Variants in CEP120 observed in about 807,000 individuals in gnomAD.
CEP120 encodes the protein centrosomal protein 120.
CEP120 carries 113 observed loss-of-function variants against 126.5 expected under a neutral mutation model. The observed-to-expected ratio is 0.89, with a 90% CI of 0.77 to 1.04. The LOEUF (loss-of-function observed/expected upper bound fraction) is 1.04. CEP120 is among the 50% of genes least tolerant of loss of function. The pLI is 0.00. For synonymous variants in CEP120, 400 were observed against 394.3 expected (o/e 1.01, Z -0.17); for missense variants, 1,230 against 1,155.7 (o/e 1.06, Z -0.93).
At chr5:123,378,243 G>T in intron 15 of CEP120, 93 bp downstream of exon 15, 6 of 874,346 alleles carry the variant, frequency 6.9e-6, no homozygotes, top group South Asian at 2.1e-5. Flanking sequence ...CTTCTCTCTC[G>T]GGACTCTTTT....
rs758598036 is a variant in CEP120, at chr5:123,403,172, T to C, written c.464-3888A>G. On this transcript the variant is annotated intron_variant, in intron 4 of 19. Transcript: ENST00000306467. ...GCACAAATTCCCTCACTTTGTCTACTGAAAGGGCCTGGGAACAGTGACACC... is the reference window on the plus strand; with the variant it reads ...GCACAAATTCCCTCACTTTGTCTACCGAAAGGGCCTGGGAACAGTGACACC... 538 of 412,796 alleles carry C rather than the reference T, an allele frequency of 1.3e-3. 2 individuals are homozygous for C. The highest frequency in any genetic ancestry group is 2.1e-3 in the Non-Finnish European group (445 of 211,830). 25.6% of individuals were successfully genotyped at this position (412,796 alleles called of 1,614,324 possible).
intron 14 of CEP120, 133 bp downstream of exon 14, chr5:123,381,978 C>A: frequency 3.4e-6 from 2 of 596,522 alleles, no homozygotes; most frequent in Non-Finnish European, 5.7e-6. Context: ...TCCAGAGCCA[C>A]CACTCACTTC....
intron 18 of CEP120, chr5:123,358,492 A>G (rs1769821407): frequency 6.6e-6 from 1 of 152,124 alleles, no homozygotes; most frequent in Non-Finnish European, 1.5e-5. Context: ...TCTATGTTAT[A>G]TGGTGCTGCA....
intron 17 of CEP120, among the ~76,000 whole-genome samples, chr5:123,365,993 G>T (rs1770428737): frequency 6.6e-6 from 1 of 151,148 alleles, no homozygotes. Flanking sequence ...AAAATAATTT[G>T]TATTTGCATA....
intron 4 of CEP120, chr5:123,401,761 G>C: frequency 8.1e-7 from 1 of 1,232,554 alleles, no homozygotes; most frequent in Non-Finnish European, 1.2e-6. Flanking sequence ...TTCTTGATGA[G>C]GACAAATTCA....
In CEP120 at chr5:123,382,091, A is replaced by T; in HGVS notation, c.2103+20T>A. The T allele has an allele frequency of 6.9e-7, 1 of 1,459,138 alleles. No individual in the cohort carries two copies. The highest frequency in any genetic ancestry group is 1.2e-5 in the South Asian group (1 of 83,948). The allele number at this position is 1,459,138 out of a possible 1,614,324, so 90.4% of individuals were successfully genotyped here. A position where few individuals can be genotyped will look rare whatever the true frequency, so the allele number is the denominator to read the frequency against. ...ATTAATATTCTTCCTTCTCTTCCTC[A>T]CTTTTACACAAGTTATTACCTTTTT... On this transcript the variant is annotated intron_variant, in intron 14 of 19. Transcript: ENST00000306467.
intron 18 of CEP120, among the ~76,000 whole-genome samples, chr5:123,359,679 G>A (rs2126990884): frequency 6.6e-6 from 1 of 152,010 alleles, no homozygotes; most frequent in Middle Eastern, 3.4e-3. Flanking sequence ...CTCATTTTAT[G>A]TTATGCTTAT....
chr5:123,390,269 C>T, intron 7 of CEP120, 129 bp from the exon 8 acceptor site: 1 of 793,924 alleles, frequency 1.3e-6, no homozygotes, highest in Admixed American at 2.0e-5. Flanking sequence ...GTCTATTTTT[C>T]TTCGTAATTT....
intron 17 of CEP120, among the ~76,000 whole-genome samples, chr5:123,369,479 A>T (rs1326519483): frequency 6.6e-6 from 1 of 151,992 alleles, no homozygotes; most frequent in East Asian, 1.9e-4. Flanking sequence ...ACTCCTTGTC[A>T]TGGCTTTAAT....
At chr5:123,419,606 T>C (rs569274489) in intron 1 of CEP120, among the ~76,000 whole-genome samples, 3 of 149,562 alleles carry the variant, frequency 2.0e-5, no homozygotes, top group East Asian at 2.0e-4. Context: ...AATAGCCACA[T>C]GGATTCCTTC....
At chr5:123,400,780 C>A in intron 4 of CEP120, 5 of 601,606 alleles carry the variant, frequency 8.3e-6, no homozygotes, top group Non-Finnish European at 1.2e-5. Context: ...AGGCAGTAAA[C>A]TCCCCCGCGG....
intron 6 of CEP120, among the ~76,000 whole-genome samples, chr5:123,391,539 A>T (rs1772399930): frequency 6.6e-6 from 1 of 152,030 alleles, no homozygotes; most frequent in African/African-American, 2.4e-5. Flanking sequence ...TTTACTAAAA[A>T]CTCAATAATA....
intron 10 of CEP120, 87 bp from the exon 11 acceptor site, chr5:123,385,220 A>G: frequency 1.8e-6 from 2 of 1,105,038 alleles, no homozygotes; most frequent in Non-Finnish European, 2.5e-6. Flanking sequence ...CCCTCAATGG[A>G]GTCAAAGATG....
intron 4 of CEP120, among the ~76,000 whole-genome samples, chr5:123,406,980 T>C (rs1353822438): frequency 6.6e-6 from 1 of 151,722 alleles, no homozygotes; most frequent in Non-Finnish European, 1.5e-5. Flanking sequence ...TATTTTAAAA[T>C]ACCTAAAACA....
At chr5:123,347,371 G>A (rs1251942414) in intron 19 of CEP120, among the ~76,000 whole-genome samples, 2 of 152,032 alleles carry the variant, frequency 1.3e-5, no homozygotes, top group Non-Finnish European at 1.5e-5. Context: ...TGCCAAACAC[G>A]TTTTGGGGAT....
Position 123,399,180 on chromosome 5 carries a change from A to T in CEP120, c.568T>A (p.Phe190Ile). ...IGPAEYCTDS[F>I]IMSVTIAFAT... Reference sequence around the variant, plus strand: ...AATGCTATGGTCACTGACATAATAAAGGAGTCAGTACAGTATTCTGCTGGT... The same window carrying T: ...AATGCTATGGTCACTGACATAATAATGGAGTCAGTACAGTATTCTGCTGGT... Residue 190 changes from phenylalanine (F) to isoleucine (I), a missense_variant, in exon 5 of 20, where the codon TTT (phenylalanine) becomes ATT (isoleucine). By Grantham distance (21) the Phe-to-Ile change is conservative. Transcript: ENST00000306467. 1.2e-6 allele frequency: 2 copies of T among 1,612,970 alleles called. No individual in the cohort carries two copies. Among genetic ancestry groups the T allele is most frequent in the Non-Finnish European group, 1.7e-6 (2 of 1,179,104 alleles).
At chr5:123,361,792 C>A (rs1770095925) in intron 18 of CEP120, among the ~76,000 whole-genome samples, 1 of 151,748 alleles carries the variant, frequency 6.6e-6, no homozygotes, top group Non-Finnish European at 1.5e-5. Context: ...AAGTTACTTA[C>A]CATTTACTGA....
At chr5:123,362,286 C>T (rs375089095) in intron 18 of CEP120, among the ~76,000 whole-genome samples, 2 of 151,840 alleles carry the variant, frequency 1.3e-5, no homozygotes, top group South Asian at 2.1e-4. Flanking sequence ...ATGACCCCTA[C>T]CTCAGTACTC....
At chr5:123,371,933 C>G (rs1430576377) in intron 17 of CEP120, among the ~76,000 whole-genome samples, 10 of 152,048 alleles carry the variant, frequency 6.6e-5, no homozygotes, top group Admixed American at 6.6e-4. Context: ...TTTTTTTAAT[C>G]ATGCCTAAAA....
Sources: gnomAD v4.1 joint callset for allele counts (sites outside exome capture counted in the v4.1 genomes callset) on GRCh38, gnomAD v4.1.1 for gene constraint, MANE v1.5 for transcripts, NCBI Gene and HGNC (gene_info 2026-07-23, HGNC 2026-07-21) for gene names.